ROBO1: variants seen among roughly 807,000 people sequenced by gnomAD.
ROBO1 encodes the protein roundabout guidance receptor 1.
In ROBO1, 149 loss-of-function variants were observed where a neutral mutation model predicts 195.9. The ratio of observed to expected loss-of-function variants is 0.76; its 90% confidence interval spans 0.67 to 0.87. The LOEUF (loss-of-function observed/expected upper bound fraction) is 0.87, where lower values mean the gene tolerates loss of function less well. Among genes scored for constraint, ROBO1 ranks in the 40% least tolerant of loss-of-function variants. ROBO1 has a pLI of 0.00. For missense variants in ROBO1, 1,933 were observed against 2,068.3 expected (o/e 0.93, Z 1.27); for synonymous variants, 816 against 733.2 (o/e 1.11, Z -1.82).
intron 1 of ROBO1, among the ~76,000 whole-genome samples, chr3:79,757,047 GTTTA>G (rs1405969001): frequency 1.2e-4 from 18 of 151,864 alleles, no homozygotes; most frequent in Non-Finnish European, 2.4e-4. Flanking sequence ...ATCATTGTTT[GTTTA>G]TTCATTCATT....
intron 4 of ROBO1, among the ~76,000 whole-genome samples, chr3:78,925,901 C>G (rs1216334663): frequency 6.6e-6 from 1 of 151,516 alleles, no homozygotes; most frequent in African/African-American, 2.4e-5. Flanking sequence ...GACAGAGTAT[C>G]GCTCTGTTGC....
chr3:79,717,782 T>G (rs1170736780), intron 1 of ROBO1, among the ~76,000 whole-genome samples: 2 of 152,124 alleles, frequency 1.3e-5, no homozygotes, highest in East Asian at 3.9e-4. Context: ...CAAGCAAAAA[T>G]AGTTACACTA....
intron 2 of ROBO1, among the ~76,000 whole-genome samples, chr3:79,461,633 C>A (rs899858736): frequency 6.6e-6 from 1 of 152,162 alleles, no homozygotes; most frequent in Non-Finnish European, 1.5e-5. Context: ...GAATTCCTCA[C>A]TCACAAAGTA....
intron 1 of ROBO1, among the ~76,000 whole-genome samples, chr3:79,748,184 A>C (rs987932643): frequency 1.3e-5 from 2 of 152,196 alleles, no homozygotes; most frequent in African/African-American, 4.8e-5. Context: ...ATAAATCTTC[A>C]TCTTTTATTG....
At chr3:79,168,132 T>C (rs971581899) in intron 2 of ROBO1, among the ~76,000 whole-genome samples, 16 of 152,184 alleles carry the variant, frequency 1.1e-4, no homozygotes, top group African/African-American at 3.6e-4. Flanking sequence ...CTTAACAGTA[T>C]TCTTTAGATT....
At chr3:79,328,982 A>C (rs2034327138) in intron 2 of ROBO1, among the ~76,000 whole-genome samples, 1 of 152,166 alleles carries the variant, frequency 6.6e-6, no homozygotes, top group Non-Finnish European at 1.5e-5. Flanking sequence ...TAAGGATAGA[A>C]GGCGTCATAA....
At chr3:78,605,322 T>A (rs1040968189) in intron 29 of ROBO1, among the ~76,000 whole-genome samples, 1 of 152,170 alleles carries the variant, frequency 6.6e-6, no homozygotes, top group African/African-American at 2.4e-5. Context: ...ATCTGCCTAC[T>A]CTCTAAGTAT....
At chr3:79,076,115 T>C (rs572673325) in intron 3 of ROBO1, among the ~76,000 whole-genome samples, 1 of 150,774 alleles carries the variant, frequency 6.6e-6, no homozygotes, top group Non-Finnish European at 1.5e-5. Context: ...TATAAGATTG[T>C]TATGAAAACA....
chr3:79,551,927 A>G (rs908295405), intron 2 of ROBO1, among the ~76,000 whole-genome samples: 11 of 145,770 alleles, frequency 7.5e-5, no homozygotes, highest in African/African-American at 7.5e-5. Flanking sequence ...GGATGACAGT[A>G]TAAGAATAAT....
At chr3:79,487,028 C>T (rs9756318) in intron 2 of ROBO1, among the ~76,000 whole-genome samples, 2 of 152,108 alleles carry the variant, frequency 1.3e-5, no homozygotes, top group Non-Finnish European at 2.9e-5. Flanking sequence ...CAATGTCCCA[C>T]CCCTAGAGAC....
intron 2 of ROBO1, among the ~76,000 whole-genome samples, chr3:79,418,351 C>T (rs761615836): frequency 6.6e-6 from 1 of 152,030 alleles, no homozygotes; most frequent in Non-Finnish European, 1.5e-5. Flanking sequence ...ATTGCAATTA[C>T]TTTTCTATCT....
At chr3:79,597,592 C>A (rs1342577224) in intron 1 of ROBO1, among the ~76,000 whole-genome samples, 2 of 151,992 alleles carry the variant, frequency 1.3e-5, no homozygotes, top group African/African-American at 4.8e-5. Flanking sequence ...CTCATAGAAA[C>A]AGGCAAATGC....
At chr3:79,595,350 C>T (rs950343218) in intron 1 of ROBO1, among the ~76,000 whole-genome samples, 9 of 151,890 alleles carry the variant, frequency 5.9e-5, no homozygotes, top group African/African-American at 2.2e-4. Flanking sequence ...AAGTCAAAAG[C>T]ATTTCTTTGA....
intron 3 of ROBO1, among the ~76,000 whole-genome samples, chr3:79,058,804 C>A (rs1337003517): frequency 2.6e-5 from 4 of 152,054 alleles, no homozygotes; most frequent in African/African-American, 9.7e-5. Context: ...TCCTCCCCCT[C>A]AATACATTTA....
At chr3:79,756,983 T>TATC (rs1396735911) in intron 1 of ROBO1, among the ~76,000 whole-genome samples, 9 of 152,230 alleles carry the variant, frequency 5.9e-5, no homozygotes, top group African/African-American at 1.7e-4. Flanking sequence ...TTGTAGTGTG[T>TATC]ATCAGAATTT....
chr3:79,631,516 C>A (rs1345220294), intron 1 of ROBO1, among the ~76,000 whole-genome samples: 3 of 151,812 alleles, frequency 2.0e-5, no homozygotes, highest in Non-Finnish European at 4.4e-5. Flanking sequence ...ATTATAAGAC[C>A]TGAAGTTATA....
At chr3:78,866,572 T>C (rs2035195616) in intron 4 of ROBO1, among the ~76,000 whole-genome samples, 1 of 152,198 alleles carries the variant, frequency 6.6e-6, no homozygotes, top group African/African-American at 2.4e-5. Flanking sequence ...TATATAGAGC[T>C]AGAACCAGAG....
chr3:78,848,825 A>T (rs1382149235), intron 4 of ROBO1, among the ~76,000 whole-genome samples: 1 of 152,198 alleles, frequency 6.6e-6, no homozygotes, highest in African/African-American at 2.4e-5. Context: ...GCATCACTCT[A>T]GCTGCCTTGA....
intron 3 of ROBO1, among the ~76,000 whole-genome samples, chr3:79,029,197 C>T (rs2078252127): frequency 1.3e-5 from 2 of 151,962 alleles, no homozygotes; most frequent in Admixed American, 6.6e-5. Context: ...TCTTGATTTT[C>T]CTTTAAATTT....
Sources: allele counts gnomAD v4.1 joint callset (sites outside exome capture counted in the v4.1 genomes callset), GRCh38; gene constraint gnomAD v4.1.1; transcripts MANE v1.5; gene names NCBI Gene and HGNC (gene_info 2026-07-23, HGNC 2026-07-21).